Variants in ARHGAP42 observed in about 807,000 individuals in gnomAD.
ARHGAP42 encodes rho GTPase-activating protein 42.
A neutral mutation model predicts 125.0 loss-of-function variants in ARHGAP42; 63 were observed. The observed-to-expected ratio is 0.50, with a 90% CI of 0.41 to 0.62. ARHGAP42 has a LOEUF of 0.62. Among genes scored for constraint, ARHGAP42 ranks in the 20% least tolerant of loss-of-function variants. The pLI is 0.00. For missense variants in ARHGAP42, 766 were observed against 1,024.2 expected (o/e 0.75, Z 3.44); for synonymous variants, 339 against 351.0 (o/e 0.97, Z 0.38).
chr11:100,976,720 G>A lies in ARHGAP42; in HGVS notation c.2237-95G>A, dbSNP rs939505584. 2.8e-6 allele frequency: 4 copies of A among 1,445,978 alleles called. No individual in the cohort carries two copies. The African/African-American group carries it at 4.3e-5, about 15-fold the overall frequency. The allele number at this position is 1,445,978 out of a possible 1,614,324, so 89.6% of individuals were successfully genotyped here. ...TTCTGTACCTTCCCATTTGGGCTCA[G>A]AGAAAAATGCTTCCTTTTGTTATGC... On this transcript the variant is annotated intron_variant, in intron 20 of 23. Transcript: ENST00000298815.
intron 3 of ARHGAP42, among the ~76,000 whole-genome samples, chr11:100,834,566 GAGACATAGTAGGACTTAAATCCTAA>G (rs1864736155): frequency 6.6e-6 from 1 of 152,148 alleles, no homozygotes; most frequent in Non-Finnish European, 1.5e-5. Flanking sequence ...CAGAATTCGA[GAGACATAGTAGGACTTAAATCCTAA>G]AGGCAAAGGT....
At chr11:100,762,177 C>A (rs1405724254) in intron 1 of ARHGAP42, among the ~76,000 whole-genome samples, 1 of 152,222 alleles carries the variant, frequency 6.6e-6, no homozygotes, top group African/African-American at 2.4e-5. Context: ...AAGCGGGATG[C>A]AGACTCTGAA....
chr11:100,855,207 T>C (rs2062215766), intron 3 of ARHGAP42, among the ~76,000 whole-genome samples: 1 of 152,160 alleles, frequency 6.6e-6, no homozygotes, highest in South Asian at 2.1e-4. Context: ...AATCTTTGCA[T>C]CAAAACTGAG....
chr11:100,733,120 C>A (rs1333255755), intron 1 of ARHGAP42, among the ~76,000 whole-genome samples: 1 of 152,178 alleles, frequency 6.6e-6, no homozygotes, highest in East Asian at 1.9e-4. Context: ...TGGTTAAGAA[C>A]TTTGATTCTG....
chr11:100,725,649 C>G (rs1272900841), intron 1 of ARHGAP42, among the ~76,000 whole-genome samples: 1 of 140 alleles, frequency 7.1e-3, no homozygotes, highest in Admixed American at 0.17. Context: ...TAAAAAAAAG[C>G]CAGGTGGCCC....
At chr11:100,954,268 A>AC (rs546553875) in intron 12 of ARHGAP42, among the ~76,000 whole-genome samples, 247 of 152,298 alleles carry the variant, frequency 1.6e-3, no homozygotes, top group African/African-American at 5.4e-3. Context: ...CAGTCAGTTC[A>AC]AAAATATTCC....
chr11:100,808,467 G>A (rs1019821674), intron 3 of ARHGAP42, among the ~76,000 whole-genome samples: 3 of 147,208 alleles, frequency 2.0e-5, no homozygotes, highest in South Asian at 2.2e-4. Context: ...CTGCAGTGGC[G>A]CAATCTCGGC....
At chr11:100,715,218 A>C (rs1166193475) in intron 1 of ARHGAP42, among the ~76,000 whole-genome samples, 1 of 152,142 alleles carries the variant, frequency 6.6e-6, no homozygotes, top group Non-Finnish European at 1.5e-5. Flanking sequence ...ACTTGGTGGA[A>C]GAAGTATTCT....
chr11:100,945,010 A>G (rs112165647), intron 10 of ARHGAP42, among the ~76,000 whole-genome samples: 2 of 152,216 alleles, frequency 1.3e-5, no homozygotes, highest in African/African-American at 4.8e-5. Flanking sequence ...GGCGTCTTTC[A>G]AAATTGGAGT....
At chr11:100,733,385 A>G (rs553613994) in intron 1 of ARHGAP42, among the ~76,000 whole-genome samples, 1 of 152,328 alleles carries the variant, frequency 6.6e-6, no homozygotes, top group African/African-American at 2.4e-5. Context: ...TTGAGTGTCT[A>G]CAGTAGGGCT....
At position 100,913,998 on chromosome 11, in the gene ARHGAP42, A is replaced by C. The variant is rs1167335367; in HGVS notation, c.486+445A>C. ...CGCCCAGGCTGGAGTGCAGTGGTGC[A>C]CTCTCAGCTCACTGCAACCTCTGCC... On this transcript the variant is annotated intron_variant, in intron 5 of 23. Transcript: ENST00000298815. Among the ~76,000 whole-genome samples, 3 of 152,150 alleles carry C rather than the reference A, an allele frequency of 2.0e-5. No homozygotes were observed. In the East Asian group the frequency reaches 5.8e-4, roughly 29 times the overall value.
At chr11:100,804,706 G>C (rs1385654552) in intron 3 of ARHGAP42, among the ~76,000 whole-genome samples, 3 of 151,864 alleles carry the variant, frequency 2.0e-5, no homozygotes, top group Admixed American at 2.0e-4. Flanking sequence ...TAGAGATGGG[G>C]TTTCACTATG....
intron 3 of ARHGAP42, among the ~76,000 whole-genome samples, chr11:100,798,191 C>T (rs1863767174): frequency 6.6e-6 from 1 of 152,116 alleles, no homozygotes; most frequent in African/African-American, 2.4e-5. Context: ...GTTGAAATAA[C>T]AACAAAGGAT....
intron 4 of ARHGAP42, among the ~76,000 whole-genome samples, chr11:100,869,325 T>C (rs996364184): frequency 6.6e-6 from 1 of 152,014 alleles, no homozygotes; most frequent in Non-Finnish European, 1.5e-5. Context: ...GAAATTTGAA[T>C]CCAAGTCTTT....
Position 100,948,496 on chromosome 11 carries a change from T to C in ARHGAP42, c.1083T>C (p.Asn361=). 1 of 1,550,196 alleles carries C rather than the reference T, an allele frequency of 6.5e-7. No individual in the cohort carries two copies. Among genetic ancestry groups the C allele is most frequent in the Non-Finnish European group, 8.7e-7 (1 of 1,145,944 alleles). ...IITLQAFSEA[N]RKLWLEAMDG... is the part of the protein sequence containing the mutation. Reference sequence around the variant, plus strand: ...CGTTACAGGCCTTCTCAGAAGCTAATAGGAAACTCTGGCTTGAAGCCATGG... The same window carrying C: ...CGTTACAGGCCTTCTCAGAAGCTAACAGGAAACTCTGGCTTGAAGCCATGG... The change falls in exon 11 of 24, where the codon AAT becomes AAC. Residue 361 remains asparagine (N), a synonymous_variant. Transcript: ENST00000298815.
chr11:100,729,866 A>G (rs1047066406), intron 1 of ARHGAP42, among the ~76,000 whole-genome samples: 4 of 147,884 alleles, frequency 2.7e-5, no homozygotes, highest in Middle Eastern at 3.5e-3. Context: ...GTTGGAGTGC[A>G]ATGGTGTGAT....
In ARHGAP42 at chr11:100,895,948, G is replaced by A. The variant is rs530889931; in HGVS notation, c.385-17504G>A. 1.2e-4 allele frequency among the ~76,000 whole-genome samples: 18 copies of A among 152,048 alleles called. No individual in the cohort carries two copies. The South Asian group carries it at 2.7e-3, about 23-fold the overall frequency. On this transcript the variant is annotated intron_variant, in intron 4 of 23. Transcript: ENST00000298815. ...GTTGGTTTGCTGCACCCATCAACTC[G>A]TCATTTACATTAGGTATTTCCCCTA...
At chr11:100,850,153 A>C (rs1188963560) in intron 3 of ARHGAP42, among the ~76,000 whole-genome samples, 1 of 152,206 alleles carries the variant, frequency 6.6e-6, no homozygotes, top group African/African-American at 2.4e-5. Context: ...CACAATACTG[A>C]AACCGTGTTT....
chr11:100,854,013 T>C (rs922813380), intron 3 of ARHGAP42, among the ~76,000 whole-genome samples: 1 of 152,042 alleles, frequency 6.6e-6, no homozygotes, highest in Non-Finnish European at 1.5e-5. Flanking sequence ...TCATTAGACA[T>C]AAAGTAAAAA....
Sources: gnomAD v4.1 joint callset for allele counts (sites outside exome capture counted in the v4.1 genomes callset) on GRCh38, gnomAD v4.1.1 for gene constraint, MANE v1.5 for transcripts, NCBI Gene and HGNC (gene_info 2026-07-23, HGNC 2026-07-21) for gene names.